Variants in CROCC observed in about 807,000 individuals in gnomAD.
CROCC encodes the protein ciliary rootlet coiled-coil, rootletin, also known as rootletin.
In CROCC, 180 loss-of-function variants were observed where a neutral mutation model predicts 245.2. The ratio of observed to expected loss-of-function variants is 0.73; its 90% confidence interval spans 0.65 to 0.83. The LOEUF (loss-of-function observed/expected upper bound fraction) is 0.83, where lower values mean the gene tolerates loss of function less well. CROCC is among the 40% of genes least tolerant of loss of function. The probability of loss-of-function intolerance (pLI) is 0.00; values close to 1 mark genes in which losing one functional copy is unlikely to be tolerated. For synonymous variants in CROCC, 1,205 were observed against 1,241.6 expected, an observed-to-expected ratio of 0.97 and a Z score of 0.62; for missense variants, 2,688 against 2,779.4, an observed-to-expected ratio of 0.97 and a Z score of 0.74.
At chr1:16,935,693 G>A (rs1255318037) in intron 8 of CROCC, among the ~76,000 whole-genome samples, 18 of 152,396 alleles carry the variant, frequency 1.2e-4, no homozygotes, top group African/African-American at 4.3e-4. Context: ...CAAAGTGCTG[G>A]GATTACAGGC....
Position 16,921,991 on chromosome 1 carries a change from C to T in CROCC, c.-28C>T. The T allele has an allele frequency of 6.5e-7, 1 of 1,543,004 alleles. No homozygotes were observed. The highest frequency in any genetic ancestry group is 8.8e-7 in the Non-Finnish European group (1 of 1,139,494). ...AGTCTTGGGGTCCTGGAGAAGGGGG[C>T]TGGAGGCATGCCCACAGCCTCCCCC... On this transcript the variant is annotated 5_prime_UTR_variant, in exon 1 of 37. Transcript: ENST00000375541.
intron 9 of CROCC, among the ~76,000 whole-genome samples, 169 bp downstream of exon 9, chr1:16,937,042 A>C (rs1260276099): frequency 1.3e-4 from 20 of 152,404 alleles, no homozygotes; most frequent in Middle Eastern, 6.8e-3. Flanking sequence ...TGTTTATCAT[A>C]AACAGCTTAG....
intron 8 of CROCC, among the ~76,000 whole-genome samples, chr1:16,935,702 G>T (rs1179088781): frequency 6.6e-6 from 1 of 152,286 alleles, no homozygotes; most frequent in Non-Finnish European, 1.5e-5. Context: ...GGGATTACAG[G>T]CGTGAGCCAC....
chr1:16,968,125 C>G, intron 30 of CROCC, 78 bp from the exon 31 acceptor site: 3 of 1,443,168 alleles, frequency 2.1e-6, no homozygotes, highest in Non-Finnish European at 2.9e-6. Context: ...CCACTTTCCC[C>G]CTAAGGGCCC....
At chr1:16,940,199 T>G (rs566058868) in intron 13 of CROCC, 106 bp downstream of exon 13, 13 of 1,164,304 alleles carry the variant, frequency 1.1e-5, no homozygotes, top group Non-Finnish European at 1.6e-5. Flanking sequence ...TGGTCGCCAC[T>G]AGCTGCATGT....
In CROCC at chr1:16,953,498, A is replaced by G. The variant is rs9435723; in HGVS notation, c.3186+17A>G. 0.052 allele frequency: 82,669 copies of G among 1,589,144 alleles called. 2,473 individuals are homozygous for G. The highest frequency in any genetic ancestry group is 0.09 in the African/African-American group (6,756 of 74,664). On this transcript the variant is annotated intron_variant, in intron 21 of 36. Coordinates refer to ENST00000375541, the MANE Select transcript of CROCC (RefSeq NM_014675.5). ...AAGCAGCAGGTTCGTGAGCCCTGGC[A>G]TGGCCTCTGCTGCTCTCTGAGCTGC...
chr1:16,947,490 A>AATAATAATATTAATAATG (rs2076076204), intron 17 of CROCC, among the ~76,000 whole-genome samples: 1 of 151,264 alleles, frequency 6.6e-6, no homozygotes, highest in Admixed American at 6.6e-5. Context: ...TAATAATAAT[A>AATAATAATATTAATAATG]ATAATAATAA....
At chr1:16,930,883 T>C (rs1182726268) in intron 7 of CROCC, among the ~76,000 whole-genome samples, 2 of 152,300 alleles carry the variant, frequency 1.3e-5, no homozygotes, top group Non-Finnish European at 2.9e-5. Context: ...ACGCCTGTAA[T>C]CCCAGCACTT....
At position 16,936,523 on chromosome 1, in the gene CROCC, C is replaced by T. The variant is rs2075790827; in HGVS notation, c.957-114C>T. 1.1e-5 allele frequency: 12 copies of T among 1,105,054 alleles called. No individual in the cohort carries two copies. The South Asian group carries it at 1.9e-4, about 18-fold the overall frequency. 68.5% of individuals were successfully genotyped at this position (1,105,054 alleles called of 1,614,324 possible). A position where few individuals can be genotyped will look rare whatever the true frequency, so the allele number is the denominator to read the frequency against. On this transcript the variant is annotated intron_variant, in intron 8 of 36. Coordinates refer to ENST00000375541, the MANE Select transcript of CROCC (RefSeq NM_014675.5). ...ACCTCACGTGATCTGCCCGCCTTGG[C>T]CTCCTGAAGTGCTGGGATTATAGGT...
intron 7 of CROCC, among the ~76,000 whole-genome samples, chr1:16,931,077 AG>A (rs1185317907): frequency 6.6e-6 from 1 of 152,290 alleles, no homozygotes; most frequent in Non-Finnish European, 1.5e-5. Flanking sequence ...TGCAGCCAAA[AG>A]AGGACTTGAA....
At chr1:16,963,379 G>T (rs1269099694) in intron 27 of CROCC, among the ~76,000 whole-genome samples, 1 of 151,934 alleles carries the variant, frequency 6.6e-6, no homozygotes, top group East Asian at 1.9e-4. Context: ...GGGGCCAGCA[G>T]TCCCAGAGCA....
At chr1:16,935,282 C>G (rs1379230199) in intron 8 of CROCC, among the ~76,000 whole-genome samples, 1 of 152,264 alleles carries the variant, frequency 6.6e-6, no homozygotes, top group Non-Finnish European at 1.5e-5. Context: ...GACACACAGA[C>G]ACATGCACAC....
At chr1:16,927,916 A>G (rs765138360) in intron 3 of CROCC, among the ~76,000 whole-genome samples, 25 of 152,356 alleles carry the variant, frequency 1.6e-4, no homozygotes, top group Non-Finnish European at 2.5e-4. Flanking sequence ...GCTCCTCCCT[A>G]TTGGTGGGGC....
At chr1:16,971,334 G>A (rs2076515247) in intron 35 of CROCC, 131 bp from the exon 36 acceptor site, 27 of 1,334,746 alleles carry the variant, frequency 2.0e-5, no homozygotes, top group Non-Finnish European at 2.7e-5. Flanking sequence ...CAGGATGGAA[G>A]ACACACAAGG....
chr1:16,948,413 G>T lies in CROCC; in HGVS notation c.2597G>T (p.Arg866Leu), dbSNP rs775267557. ...EAQRQVEALERAAREKEALAK... is the reference protein window; with the variant it reads ...EAQRQVEALELAAREKEALAK... ...CAGCGGCAAGTGGAGGCGCTGGAGC[G>T]AGCGGCCCGTGAGAAGGAGGCGCTA... Residue 866 changes from arginine (R) to leucine (L), a missense_variant, in exon 18 of 37, where the codon CGA becomes CTA. By Grantham distance (102) the Arg-to-Leu change is moderately radical. Coordinates refer to ENST00000375541, the MANE Select transcript of CROCC (RefSeq NM_014675.5). 3.2e-6 allele frequency: 5 copies of T among 1,573,786 alleles called. No individual in the cohort carries two copies. Among genetic ancestry groups the T allele is most frequent in the South Asian group, 2.3e-5 (2 of 86,506 alleles).
At chr1:16,950,238 A>G (rs1202868137) in intron 19 of CROCC, among the ~76,000 whole-genome samples, 35 of 150,464 alleles carry the variant, frequency 2.3e-4, no homozygotes, top group Admixed American at 1.2e-3. Context: ...TAATTTTTGT[A>G]TTTTTGGTAT....
At position 16,958,661 on chromosome 1, in the gene CROCC, C is replaced by G. The variant is rs1461096832; in HGVS notation, c.3943C>G (p.Arg1315Gly). Reference sequence around the variant, plus strand: ...GCAGGGCCGCCTGGCGCTGGGCGAGCGGGCAGAGAAGGAGAGCAGGCGGGA... The same window carrying G: ...GCAGGGCCGCCTGGCGCTGGGCGAGGGGGCAGAGAAGGAGAGCAGGCGGGA... The part of the protein sequence containing the change: ...ELQGRLALGE[R>G]AEKESRRETL... The change falls in exon 26 of 37, where the codon CGG becomes GGG. Residue 1315 changes from arginine (R) to glycine (G), a missense_variant. By Grantham distance (125) the Arg-to-Gly change is moderately radical. This residue lies in a region of CROCC where 1,218 missense variants were observed against 1,286.3 expected (regional missense o/e 0.95). Transcript: ENST00000375541. 2 of 1,555,888 alleles carry G rather than the reference C, an allele frequency of 1.3e-6. No individual in the cohort carries two copies. The highest frequency in any genetic ancestry group is 1.7e-6 in the Non-Finnish European group (2 of 1,150,368).
At position 16,929,876 on chromosome 1, in the gene CROCC, G is replaced by A. The variant is rs1162133599; in HGVS notation, c.382G>A (p.Glu128Lys). 1 of 1,580,184 alleles carries A rather than the reference G, an allele frequency of 6.3e-7. No homozygotes were observed. ...LEQALRLEPGELETQEPRGLV... is the reference protein window; with the variant it reads ...LEQALRLEPGKLETQEPRGLV... ...GCAGGCTCTGCGGCTGGAGCCTGGG[G>A]AGCTGGAGACGCAGGAGCCCAGGGG... The change falls in exon 4 of 37, where the codon GAG (glutamate) becomes AAG (lysine). Residue 128 changes from glutamate (E) to lysine (K), a missense_variant. This residue lies in a region of CROCC where 972 missense variants were observed against 895.3 expected (regional missense o/e 1.09). Coordinates refer to ENST00000375541, the MANE Select transcript of CROCC (RefSeq NM_014675.5).
chr1:16,933,330 G>A (rs1458633320), intron 8 of CROCC, among the ~76,000 whole-genome samples: 43 of 152,326 alleles, frequency 2.8e-4, no homozygotes, highest in African/African-American at 1.0e-3. Context: ...ATCTAGGTGT[G>A]GTGACACATG....
Sources: gnomAD v4.1 joint callset for allele counts (sites outside exome capture counted in the v4.1 genomes callset) on GRCh38, gnomAD v4.1.1 for gene constraint, gnomAD v4.1.1 regional missense constraint, MANE v1.5 for transcripts, NCBI Gene and HGNC (gene_info 2026-07-23, HGNC 2026-07-21) for gene names.